The following TMEM164 variants were observed in gnomAD, a reference collection of about 807,000 sequenced individuals.
The protein encoded by TMEM164 is transmembrane protein 164.
TMEM164 carries 4 observed loss-of-function variants against 18.8 expected under a neutral mutation model. The observed-to-expected ratio is 0.21, with a 90% CI of 0.10 to 0.49. The LOEUF is 0.49. Among genes scored for constraint, TMEM164 ranks in the 20% least tolerant of loss-of-function variants. The probability of loss-of-function intolerance (pLI) is 0.98; values close to 1 mark genes in which losing one functional copy is unlikely to be tolerated. For synonymous variants in TMEM164, 86 were observed against 101.7 expected, an observed-to-expected ratio of 0.85 and a Z score of 0.93; for missense variants, 108 against 239.9, an observed-to-expected ratio of 0.45 and a Z score of 3.63.
chrX:110,135,682 G>T (rs1444155976), intron 4 of TMEM164, among the ~76,000 whole-genome samples: 1 of 111,873 alleles, frequency 8.9e-6, no homozygotes, highest in African/African-American at 3.2e-5. Context: ...AAATTCCTAA[G>T]TTTTTACTAT....
chrX:110,095,080 A>G (rs1360047577), intron 3 of TMEM164, among the ~76,000 whole-genome samples: 2 of 112,055 alleles, frequency 1.8e-5, no homozygotes, highest in Non-Finnish European at 3.8e-5. Context: ...CTTTGTGGGT[A>G]ACCCGACCTT....
chrX:110,068,945 ATC>A (rs1272698647), intron 3 of TMEM164, among the ~76,000 whole-genome samples: 9 of 111,997 alleles, frequency 8.0e-5, no homozygotes, highest in African/African-American at 2.9e-4. Flanking sequence ...ATTCTACAAT[ATC>A]TCATAGAAAT....
intron 3 of TMEM164, among the ~76,000 whole-genome samples, chrX:110,094,844 T>C (rs899362161): frequency 3.6e-5 from 4 of 112,097 alleles, no homozygotes; most frequent in African/African-American, 9.7e-5. Context: ...GTTTAGTGTT[T>C]CTTTCAGGAG....
rs1302142298 is a variant in TMEM164, at chrX:110,174,448, G to C, written c.*997G>C. ...ATGAGCTGGAATTGGCTGGTTGGTTGGTTTTTGAGTTTGGAGAATCCTCGC... is the reference window on the plus strand; with the variant it reads ...ATGAGCTGGAATTGGCTGGTTGGTTCGTTTTTGAGTTTGGAGAATCCTCGC... On this transcript the variant is annotated 3_prime_UTR_variant, in exon 7 of 7. Transcript: ENST00000372068. The C allele has an allele frequency of 1.0e-5, 1 of 98,065 alleles. No homozygotes were observed. Among genetic ancestry groups the C allele is most frequent in the Non-Finnish European group, 2.0e-5 (1 of 49,712 alleles). 8.1% of individuals were successfully genotyped at this position (98,065 alleles called of 1,213,427 possible).
At chrX:110,145,047 G>A (rs1020076165) in intron 5 of TMEM164, among the ~76,000 whole-genome samples, 171 bp downstream of exon 5, 2 of 111,015 alleles carry the variant, frequency 1.8e-5, no homozygotes, top group African/African-American at 6.6e-5. Flanking sequence ...GGGAATGGAC[G>A]AGGCCTGCAA....
intron 4 of TMEM164, among the ~76,000 whole-genome samples, chrX:110,123,870 A>T (rs1254048243): frequency 1.8e-5 from 2 of 111,744 alleles, no homozygotes; most frequent in African/African-American, 6.5e-5. Context: ...CCAGCTAGTC[A>T]GAAGGCCGAT....
At chrX:110,039,964 T>G (rs1263919442) in intron 2 of TMEM164, among the ~76,000 whole-genome samples, 2 of 111,402 alleles carry the variant, frequency 1.8e-5, no homozygotes, top group Non-Finnish European at 3.8e-5. Context: ...TCAAAATCCC[T>G]GAGCAAGGCT....
intron 2 of TMEM164, among the ~76,000 whole-genome samples, chrX:110,052,981 C>T (rs975460887): frequency 9.1e-6 from 1 of 110,283 alleles, no homozygotes; most frequent in Non-Finnish European, 1.9e-5. Flanking sequence ...TTGATCTTTT[C>T]ACCTCATGAT....
intron 4 of TMEM164, among the ~76,000 whole-genome samples, chrX:110,143,913 C>G (rs777643899): frequency 9.9e-5 from 11 of 110,932 alleles, no homozygotes; most frequent in Non-Finnish European, 2.1e-4. Flanking sequence ...TCTTTTTTCC[C>G]CAGAATTGAG....
At chrX:110,053,178 TGCCAACA>T (rs1395280553) in intron 2 of TMEM164, among the ~76,000 whole-genome samples, 1 of 112,091 alleles carries the variant, frequency 8.9e-6, no homozygotes, top group Non-Finnish European at 1.9e-5. Flanking sequence ...TCTTTACTCT[TGCCAACA>T]GCTCTTACCT....
Position 110,165,603 on chromosome X carries a change from C to A in TMEM164, c.587-5817C>A, listed in dbSNP as rs188420549. On this transcript the variant is annotated intron_variant, in intron 5 of 6. Coordinates refer to ENST00000372068, the MANE Select transcript of TMEM164 (RefSeq NM_032227.4). ...TTTTATCACATTTTGTGGACTCTTTCTCATTGATCTTATCCATACCCCAAG... is the reference window on the plus strand; with the variant it reads ...TTTTATCACATTTTGTGGACTCTTTATCATTGATCTTATCCATACCCCAAG... Among the ~76,000 whole-genome samples, 9 of 112,090 alleles carry A rather than the reference C, an allele frequency of 8.0e-5. No homozygotes were observed. In the East Asian group the frequency reaches 2.5e-3, roughly 31 times the overall value.
rs775218538 is a variant in TMEM164 at position 110,173,480 on chromosome X, C to T, written c.*29C>T. ...TGCTTATTTTTTTTTTTTTTCCTCC[C>T]TGAGGAAGCAAGTCGTGACTTGACT... On this transcript the variant is annotated 3_prime_UTR_variant, in exon 7 of 7. Coordinates refer to ENST00000372068, the MANE Select transcript of TMEM164 (RefSeq NM_032227.4). 4.1e-5 allele frequency: 47 copies of T among 1,138,839 alleles called. No homozygotes were observed. The highest frequency in any genetic ancestry group is 5.6e-5 in the Non-Finnish European group (47 of 842,881). The allele number at this position is 1,138,839 out of a possible 1,213,427, so 93.9% of individuals were successfully genotyped here.
At chrX:110,047,405 G>T (rs772194794) in intron 2 of TMEM164, among the ~76,000 whole-genome samples, 13 of 112,241 alleles carry the variant, frequency 1.2e-4, no homozygotes, top group Non-Finnish European at 1.7e-4. Flanking sequence ...GCTTGCATCC[G>T]TGTTTCCTTC....
At chrX:110,147,915 A>G (rs946469779) in intron 5 of TMEM164, among the ~76,000 whole-genome samples, 4 of 109,376 alleles carry the variant, frequency 3.7e-5, no homozygotes, top group African/African-American at 6.7e-5. Flanking sequence ...TCTTCTTCCT[A>G]TTCAGCTTGT....
upstream of TMEM164, among the ~76,000 whole-genome samples, chrX:110,002,394 C>CGGAGGAGGGA (rs1381868393): frequency 2.0e-3 from 214 of 107,774 alleles, no homozygotes; most frequent in Admixed American, 6.0e-3. Context: ...GAGCCTGAGC[C>CGGAGGAGGGA]GGAGGAGGGA....
chrX:110,016,052 C>T (rs1933346447), intron 2 of TMEM164, among the ~76,000 whole-genome samples: 1 of 112,054 alleles, frequency 8.9e-6, no homozygotes, highest in African/African-American at 3.2e-5. Context: ...ATGTGAAGCC[C>T]GCCGTGTCAC....
chrX:110,046,179 G>A (rs1397785873), intron 2 of TMEM164: 1 of 753,111 alleles, frequency 1.3e-6, no homozygotes, highest in Non-Finnish European at 1.6e-6. Context: ...TTTCTGTCAA[G>A]CTCAGTGCTG....
intron 4 of TMEM164, among the ~76,000 whole-genome samples, chrX:110,116,824 G>A (rs1245404075): frequency 2.8e-5 from 2 of 72,157 alleles, no homozygotes; most frequent in Admixed American, 2.9e-4. Flanking sequence ...CCACTCCCTT[G>A]TGTGTGTGTG....
intron 5 of TMEM164, among the ~76,000 whole-genome samples, chrX:110,165,514 A>G (rs767817372): frequency 1.8e-5 from 2 of 111,799 alleles, no homozygotes; most frequent in East Asian, 2.8e-4. Context: ...TTGACTTCTC[A>G]TGGATCTTTC....
Sources: allele counts gnomAD v4.1 joint callset (sites outside exome capture counted in the v4.1 genomes callset), GRCh38; gene constraint gnomAD v4.1.1; transcripts MANE v1.5; gene names NCBI Gene and HGNC (gene_info 2026-07-23, HGNC 2026-07-21).